ZBTB40: variants seen among roughly 807,000 people sequenced by gnomAD.
The protein encoded by ZBTB40 is zinc finger and BTB domain containing 40, also known as zinc finger and BTB domain-containing protein 40.
In ZBTB40, 60 loss-of-function variants were observed where a neutral mutation model predicts 117.5. That is an observed-to-expected ratio of 0.51 (90% CI 0.41 to 0.63). ZBTB40 has a LOEUF of 0.63. Ranked by LOEUF, ZBTB40 falls within the 30% of genes least tolerant of loss-of-function variation. The pLI, the probability that ZBTB40 is intolerant of heterozygous loss-of-function variation, is 0.00. For synonymous variants in ZBTB40, 525 were observed against 577.1 expected (o/e 0.91, Z 1.29); for missense variants, 1,287 against 1,498.5 (o/e 0.86, Z 2.33).
At chr1:22,468,925 C>T (rs987075413) in intron 1 of ZBTB40, among the ~76,000 whole-genome samples, 8 of 152,112 alleles carry the variant, frequency 5.3e-5, no homozygotes, top group Non-Finnish European at 1.2e-4. Context: ...TGCCTAGGCT[C>T]AAGTAATGTC....
At chr1:22,461,972 G>C (rs910040563) in intron 1 of ZBTB40, among the ~76,000 whole-genome samples, 12 of 152,182 alleles carry the variant, frequency 7.9e-5, no homozygotes, top group Non-Finnish European at 1.8e-4. Flanking sequence ...ACATCCTTCA[G>C]CTGCCCTGTT....
chr1:22,457,354 C>G (rs895545906), intron 1 of ZBTB40, among the ~76,000 whole-genome samples: 5 of 152,158 alleles, frequency 3.3e-5, no homozygotes, highest in Non-Finnish European at 7.4e-5. Context: ...TATTAGTACC[C>G]AAAGGGAAAC....
chr1:22,517,425 C>T lies in ZBTB40; in HGVS notation c.2794C>T (p.Gln932Ter), dbSNP rs376690136. ...CAGAGACTGTGGCAAGGGCTTCCGG[C>T]AAGCCAATGGCCTCTCCATCCATCT... is the stretch of plus-strand genomic sequence containing the variant. ...VCRDCGKGFR[Q>*]ANGLSIHLHT... Residue 932 changes from glutamine to a stop codon, truncating the protein, a stop_gained, in exon 13 of 18, where the codon CAA becomes TAA. Coordinates refer to ENST00000375647, the MANE Select transcript of ZBTB40 (RefSeq NM_014870.4). LOFTEE classifies it high-confidence loss of function. 1.9e-6 allele frequency: 3 copies of T among 1,613,832 alleles called. No individual in the cohort carries two copies. Among genetic ancestry groups the T allele is most frequent in the Admixed American group, 1.7e-5 (1 of 60,012 alleles).
intron 3 of ZBTB40, among the ~76,000 whole-genome samples, chr1:22,494,504 G>A (rs1021966971): frequency 1.3e-5 from 2 of 152,308 alleles, no homozygotes; most frequent in African/African-American, 2.4e-5. Context: ...GTTAGAACTT[G>A]AGAATCTACA....
intron 1 of ZBTB40, among the ~76,000 whole-genome samples, chr1:22,453,585 G>A (rs1261007866): frequency 6.6e-6 from 1 of 152,136 alleles, no homozygotes; most frequent in Admixed American, 6.5e-5. Context: ...TTTGTGCCAG[G>A]TACTGTGCTA....
chr1:22,522,209 C>T (rs1328221914), intron 15 of ZBTB40, among the ~76,000 whole-genome samples, 168 bp from the exon 16 acceptor site: 1 of 152,228 alleles, frequency 6.6e-6, no homozygotes, highest in Non-Finnish European at 1.5e-5. Context: ...ATCTCATGCT[C>T]TTTACCACTA....
rs902349333 is a variant in ZBTB40 at position 22,508,713 on chromosome 1, G to A, written c.1681G>A (p.Asp561Asn). 7.4e-6 allele frequency: 12 copies of A among 1,613,846 alleles called. No individual in the cohort carries two copies. Among genetic ancestry groups the A allele is most frequent in the East Asian group, 4.5e-5 (2 of 44,878 alleles). Residue 561 changes from aspartate to asparagine, a missense_variant, in exon 8 of 18, where the codon GAT (aspartate) becomes AAT (asparagine). Asp to Asn is a conservative substitution (Grantham distance 23, BLOSUM62 1). Around this residue, in one of 2 missense-constraint regions of ZBTB40, gnomAD observed 870 missense variants for 934.4 expected, o/e 0.93. Transcript: ENST00000375647. ...MEEIRREPGA[D>N]AFFRAVTTPE... ...GGAAATACGAAGGGAGCCTGGTGCC[G>A]ATGCTTTCTTCCGGGCAGGTAAGTT...
upstream of ZBTB40, among the ~76,000 whole-genome samples, chr1:22,451,135 G>A (rs931661895): frequency 6.6e-6 from 1 of 152,230 alleles, no homozygotes; most frequent in African/African-American, 2.4e-5. Context: ...TGGGAGGTGC[G>A]AGAGGCAGGA....
chr1:22,524,334 C>G lies in ZBTB40; in HGVS notation c.3415C>G (p.Leu1139Val), dbSNP rs779154320. The G allele has an allele frequency of 1.2e-6, 2 of 1,614,208 alleles. No homozygotes were observed. Among genetic ancestry groups the G allele is most frequent in the Non-Finnish European group, 1.7e-6 (2 of 1,180,044 alleles). ...KQSETTFPCE[L>V]CGELFTSQAQ... ...GTCAGAGACCACCTTCCCCTGTGAG[C>G]TCTGTGGGGAACTCTTCACCTCCCA... The change falls in exon 17 of 18, where the codon CTC becomes GTC. Residue 1139 changes from leucine to valine, a missense_variant. Leu to Val is a conservative substitution (Grantham distance 32, BLOSUM62 1). This residue lies in a region of ZBTB40 where 417 missense variants were observed against 564.1 expected (regional missense o/e 0.74). Transcript: ENST00000375647.
In ZBTB40 at chr1:22,506,220, G is replaced by A. The variant is rs1220996619; in HGVS notation, c.1339G>A (p.Ala447Thr). Residue 447 changes from alanine to threonine, a missense_variant, in exon 6 of 18, where the codon GCC becomes ACC. Physicochemically the swap from Ala to Thr is moderately conservative, Grantham distance 58 (BLOSUM62 0). Coordinates refer to ENST00000375647, the MANE Select transcript of ZBTB40 (RefSeq NM_014870.4). ...TCTGCTAGAGAAGTTGCAGAAATCA[G>A]CCACTTTGCCAAGCACCACAGGTAT... is the stretch of plus-strand genomic sequence containing the variant. Reference protein sequence around the residue: ...GLLLEKLQKSATLPSTTVQPS... With the variant: ...GLLLEKLQKSTTLPSTTVQPS... The A allele has an allele frequency of 1.2e-6, 2 of 1,614,142 alleles. No individual in the cohort carries two copies. The highest frequency in any genetic ancestry group is 8.5e-7 in the Non-Finnish European group (1 of 1,180,026).
chr1:22,466,927 T>C (rs911181554), intron 1 of ZBTB40, among the ~76,000 whole-genome samples: 1 of 152,074 alleles, frequency 6.6e-6, no homozygotes, highest in African/African-American at 2.4e-5. Flanking sequence ...AAATTCGATT[T>C]ATTTATTTAT....
intron 1 of ZBTB40, among the ~76,000 whole-genome samples, chr1:22,483,542 T>C (rs1638384094): frequency 6.6e-6 from 1 of 152,246 alleles, no homozygotes; most frequent in South Asian, 2.1e-4. Context: ...AGACATACCA[T>C]GTACAACATC....
At chr1:22,509,370 A>ATTC in intron 9 of ZBTB40, 137 bp downstream of exon 9, 1 of 1,309,146 alleles carries the variant, frequency 7.6e-7, no homozygotes. Context: ...CTTTTGAGAC[A>ATTC]GAGTCTTGCT....
chr1:22,452,689 A>C (rs1557478865), intron 1 of ZBTB40: 1 of 152,228 alleles, frequency 6.6e-6, no homozygotes, highest in Non-Finnish European at 1.5e-5. Context: ...CCCTAAACAC[A>C]AGGAGATTGG....
At chr1:22,514,095 A>G (rs955579823) in intron 12 of ZBTB40, among the ~76,000 whole-genome samples, 28 of 152,108 alleles carry the variant, frequency 1.8e-4, no homozygotes, top group African/African-American at 6.3e-4. Context: ...TCAGCGGTAT[A>G]ATGTGGAATA....
chr1:22,513,042 G>C lies in ZBTB40; in HGVS notation c.2580G>C (p.Gly860=). Residue 860 remains glycine (G), a synonymous_variant, in exon 12 of 18, where the codon GGG becomes GGC. Transcript: ENST00000375647. This position sits in a 1 kb window ranked among gnomAD's most constrained non-coding sequence, Gnocchi z 4.9. The part of the protein sequence containing the change: ...TLKNHLRLHT[G]DRPFMCKHCL... The stretch of plus-strand genomic sequence containing the variant: ...AGAACCACCTTCGCCTTCACACCGG[G>C]GACCGCCCGTTCATGTGCAAGCACT... The C allele has an allele frequency of 1.2e-6, 2 of 1,614,120 alleles. No homozygotes were observed. The highest frequency in any genetic ancestry group is 1.7e-6 in the Non-Finnish European group (2 of 1,180,034).
At chr1:22,480,230 A>G (rs1638252884) in intron 1 of ZBTB40, among the ~76,000 whole-genome samples, 1 of 151,466 alleles carries the variant, frequency 6.6e-6, no homozygotes, top group South Asian at 2.1e-4. Context: ...TATTCTAGAT[A>G]TCAATTCCTT....
At chr1:22,456,299 A>G (rs540892857) in intron 1 of ZBTB40, among the ~76,000 whole-genome samples, 8 of 152,338 alleles carry the variant, frequency 5.3e-5, no homozygotes, top group Non-Finnish European at 7.3e-5. Context: ...TAAGGAAAGA[A>G]AGCCAGCTTT....
intron 14 of ZBTB40, among the ~76,000 whole-genome samples, chr1:22,520,951 G>T (rs1440731452): frequency 6.6e-6 from 1 of 152,268 alleles, no homozygotes; most frequent in Admixed American, 6.5e-5. Context: ...GGATGGCGTG[G>T]AATGGTAGGG....
Sources: gnomAD v4.1 joint callset for allele counts (sites outside exome capture counted in the v4.1 genomes callset) on GRCh38, gnomAD v4.1.1 for gene constraint, gnomAD v4.1.1 regional missense constraint, Gnocchi (gnomAD v3.1) non-coding constraint, MANE v1.5 for transcripts, NCBI Gene and HGNC (gene_info 2026-07-23, HGNC 2026-07-21) for gene names.